SPAG9: variants seen among roughly 807,000 people sequenced by gnomAD.
The protein encoded by SPAG9 is sperm associated antigen 9.
Under a neutral mutation model 166.5 loss-of-function variants are expected in SPAG9, and 35 were observed. The ratio of observed to expected loss-of-function variants is 0.21; its 90% CI spans 0.16 to 0.28. The LOEUF is 0.28. Ranked by LOEUF, SPAG9 falls within the 10% of genes least tolerant of loss-of-function variation. The pLI is 1.00. For synonymous variants in SPAG9, 534 were observed against 565.5 expected (o/e 0.94, Z 0.79); for missense variants, 1,235 against 1,603.3 (o/e 0.77, Z 3.92).
At chr17:51,015,793 A>G (rs1310823758) in intron 8 of SPAG9, among the ~76,000 whole-genome samples, 1 of 152,126 alleles carries the variant, frequency 6.6e-6, no homozygotes, top group Non-Finnish European at 1.5e-5. Context: ...AGGGGAGAAA[A>G]TAAATTATGA....
intron 28 of SPAG9, 57 bp from the exon 29 acceptor site, chr17:50,970,913 GTTTT>G (rs202233771): frequency 8.0e-6 from 9 of 1,121,700 alleles, no homozygotes; most frequent in Middle Eastern, 2.4e-4. Context: ...AGGCTGTTTT[GTTTT>G]TTTTTTTTAA....
At chr17:51,046,837 C>A in intron 4 of SPAG9, 1 of 1,532,510 alleles carries the variant, frequency 6.5e-7, no homozygotes, top group Non-Finnish European at 8.7e-7. Context: ...TTCCGTTCTC[C>A]CCACCTCATA....
intron 3 of SPAG9, 56 bp downstream of exon 3, chr17:51,056,356 A>T: frequency 1.0e-6 from 1 of 963,084 alleles, no homozygotes; most frequent in Non-Finnish European, 1.6e-6. Context: ...CATATTTTCT[A>T]AGGTTCATTT....
chr17:51,079,178 T>C (rs574582220), intron 2 of SPAG9, among the ~76,000 whole-genome samples: 1 of 151,604 alleles, frequency 6.6e-6, no homozygotes, highest in Admixed American at 6.6e-5. Context: ...AAGTTTGTAT[T>C]TAGAACCTTA....
At chr17:51,100,187 G>A (rs1708250141) in intron 1 of SPAG9, among the ~76,000 whole-genome samples, 1 of 152,214 alleles carries the variant, frequency 6.6e-6, no homozygotes, top group Non-Finnish European at 1.5e-5. Flanking sequence ...TTTAATGCTT[G>A]AGACATTTAA....
chr17:51,000,725 C>T (rs1382375151), intron 13 of SPAG9, among the ~76,000 whole-genome samples: 1 of 150,118 alleles, frequency 6.7e-6, no homozygotes, highest in African/African-American at 2.5e-5. Context: ...AGCAAGACTC[C>T]ATCACAAGAC....
In SPAG9 at chr17:50,999,716, C is replaced by T; in HGVS notation, c.1609G>A (p.Ala537Thr). 2 of 1,611,964 alleles carry T rather than the reference C, an allele frequency of 1.2e-6. No individual in the cohort carries two copies. Among genetic ancestry groups the T allele is most frequent in the Non-Finnish European group, 1.7e-6 (2 of 1,178,930 alleles). ...EAVRWTEMIR[A>T]SRENPAMQEK... ...TGCATGGCTGGATTTTCTCGTGATG[C>T]CCTACATTCAAAAAGAAAAGAAAAG... The change falls in exon 14 of 30, where the codon GCA (alanine) becomes ACA (threonine). Residue 537 changes from alanine (A) to threonine (T), a missense_variant and splice_region_variant. By Grantham distance (58) the Ala-to-Thr change is moderately conservative. Transcript: ENST00000262013.
At chr17:51,007,999 T>C (rs969390077) in intron 9 of SPAG9, 3 of 279,840 alleles carry the variant, frequency 1.1e-5, no homozygotes, top group Non-Finnish European at 2.2e-5. Context: ...ATTTAATGCA[T>C]AATGATGTGC....
At chr17:51,042,155 T>C (rs1175572602) in intron 4 of SPAG9, among the ~76,000 whole-genome samples, 1 of 152,200 alleles carries the variant, frequency 6.6e-6, no homozygotes, top group Non-Finnish European at 1.5e-5. Flanking sequence ...TATTAAATGA[T>C]GAAAAGAACT....
chr17:51,111,376 T>C (rs983921600), intron 1 of SPAG9, among the ~76,000 whole-genome samples: 4 of 152,164 alleles, frequency 2.6e-5, no homozygotes, highest in African/African-American at 9.7e-5. Context: ...CTAACATCAG[T>C]TCTCCTGAGA....
intron 2 of SPAG9, among the ~76,000 whole-genome samples, chr17:51,066,425 A>C (rs1006862880): frequency 6.6e-6 from 1 of 151,778 alleles, no homozygotes; most frequent in Non-Finnish European, 1.5e-5. Context: ...TTATGTTTTA[A>C]AAATAGTTTA....
intron 10 of SPAG9, among the ~76,000 whole-genome samples, 156 bp downstream of exon 10, chr17:51,007,113 G>GTC (rs1324673081): frequency 4.9e-5 from 7 of 143,716 alleles, no homozygotes; most frequent in African/African-American, 1.7e-4. Flanking sequence ...ACATTAGGGT[G>GTC]TGTGTGTGTG....
rs1179792305 is a variant in SPAG9 at position 51,037,691 on chromosome 17, T to TATATATATATATATATATATATA, written c.741+3809_741+3810insTATATATATATATATATATATAT. The stretch of plus-strand genomic sequence containing the variant: ...TATATATATATATATATATAGTGTG[T>TATATATATATATATATATATATA]GTGTGTGTGTGTGTGTGTGTGTGTG... On this transcript the variant is annotated intron_variant, in intron 5 of 29. Transcript: ENST00000262013. 2.3e-3 allele frequency among the ~76,000 whole-genome samples: 207 copies of TATATATATATATATATATATATA among 90,174 alleles called. 2 individuals are homozygous for TATATATATATATATATATATATA. The highest frequency in any genetic ancestry group is 3.7e-3 in the Non-Finnish European group (150 of 40,228). 59.2% of individuals were successfully genotyped at this position (90,174 alleles called of 152,430 possible).
At chr17:51,099,592 C>CT (rs1465713859) in intron 1 of SPAG9, among the ~76,000 whole-genome samples, 3 of 151,568 alleles carry the variant, frequency 2.0e-5, no homozygotes, top group African/African-American at 7.3e-5. Context: ...ATGATGTTTG[C>CT]TACATCAGCC....
chr17:50,984,999 A>G lies in SPAG9; in HGVS notation c.3021-9T>C. 6.2e-7 allele frequency: 1 copy of G among 1,613,630 alleles called. No homozygotes were observed. The highest frequency in any genetic ancestry group is 8.5e-7 in the Non-Finnish European group (1 of 1,179,532). On this transcript the variant is annotated splice_polypyrimidine_tract_variant and intron_variant, in intron 23 of 29. Transcript: ENST00000262013. ...CGATTCCCTTCACGTGTCTGCAAAC[A>G]GGAAAGGGGAGTTCAGAACTCTCCA...
intron 3 of SPAG9, among the ~76,000 whole-genome samples, chr17:51,055,640 C>T (rs1435005661): frequency 6.6e-6 from 1 of 151,538 alleles, no homozygotes; most frequent in East Asian, 1.9e-4. Context: ...CCATATGTAT[C>T]ATGGGAAATA....
At chr17:51,052,874 C>A (rs568825604) in intron 3 of SPAG9, among the ~76,000 whole-genome samples, 50 of 151,652 alleles carry the variant, frequency 3.3e-4, no homozygotes, top group African/African-American at 1.2e-3. Flanking sequence ...GGCTGGCCAA[C>A]ATGGTGAAAT....
chr17:50,990,343 C>T, intron 20 of SPAG9, 107 bp downstream of exon 20: 1 of 898,520 alleles, frequency 1.1e-6, no homozygotes, highest in Non-Finnish European at 1.8e-6. Flanking sequence ...TATCTTCTTT[C>T]AAGTTCTTTC....
chr17:51,104,140 C>G (rs1159232457), intron 1 of SPAG9, among the ~76,000 whole-genome samples: 1 of 152,040 alleles, frequency 6.6e-6, no homozygotes, highest in South Asian at 2.1e-4. Flanking sequence ...AAAAGAGAAC[C>G]AGGTTTGGGA....
Sources: allele counts gnomAD v4.1 joint callset (sites outside exome capture counted in the v4.1 genomes callset), GRCh38; gene constraint gnomAD v4.1.1; transcripts MANE v1.5; gene names NCBI Gene and HGNC (gene_info 2026-07-23, HGNC 2026-07-21).